Variants in BMP7 observed in about 807,000 individuals in gnomAD.
The protein encoded by BMP7 is osteogenic protein 1.
A neutral mutation model predicts 41.2 loss-of-function variants in BMP7; 12 were observed. The observed-to-expected ratio is 0.29, with a 90% CI of 0.19 to 0.47. The LOEUF is 0.47. BMP7 is among the 20% of genes least tolerant of loss of function. BMP7 has a pLI of 0.99. For synonymous variants in BMP7, 248 were observed against 250.0 expected, an observed-to-expected ratio of 0.99 and a Z score of 0.07; for missense variants, 467 against 606.0, an observed-to-expected ratio of 0.77 and a Z score of 2.41.
chr20:57,248,955 C>G (rs202200282), intron 1 of BMP7, among the ~76,000 whole-genome samples: 8 of 152,056 alleles, frequency 5.3e-5, no homozygotes, highest in African/African-American at 1.9e-4. Context: ...CCCACCACCA[C>G]GCCCAGCTAA....
rs1023580077 is a variant in BMP7 at position 57,170,146 on chromosome 20, C to G, written c.*813G>C. 3 of 152,886 alleles carry G rather than the reference C, an allele frequency of 2.0e-5. No individual in the cohort carries two copies. Among genetic ancestry groups the G allele is most frequent in the Non-Finnish European group, 4.4e-5 (3 of 68,600 alleles). 9.5% of individuals were successfully genotyped at this position (152,886 alleles called of 1,614,324 possible). A position where few individuals can be genotyped will look rare whatever the true frequency, so the allele number is the denominator to read the frequency against. ...TCTGCAATTTCACATGGATTTACTA[C>G]CACTGGGGCGAGGTGAAAAGCCAAT... On this transcript the variant is annotated 3_prime_UTR_variant, in exon 7 of 7. Coordinates refer to ENST00000395863, the MANE Select transcript of BMP7 (RefSeq NM_001719.3).
At chr20:57,209,239 TTATATATTTTTATATATATA>T (rs1407051256) in intron 2 of BMP7, among the ~76,000 whole-genome samples, 10 of 63,502 alleles carry the variant, frequency 1.6e-4, no homozygotes, top group South Asian at 7.3e-4. Flanking sequence ...ATACCTAGAT[TTATATATTTTTATATATATA>T]TATATATATA....
chr20:57,241,666 G>T (rs761324458), intron 1 of BMP7, among the ~76,000 whole-genome samples: 1 of 152,208 alleles, frequency 6.6e-6, no homozygotes, highest in Non-Finnish European at 1.5e-5. Flanking sequence ...CCAGAGACAT[G>T]AGACCTGGAG....
intron 2 of BMP7, among the ~76,000 whole-genome samples, chr20:57,222,665 G>A (rs1459683879): frequency 1.3e-5 from 2 of 152,186 alleles, no homozygotes; most frequent in East Asian, 3.9e-4. Context: ...CAGCCAAAAG[G>A]AATCCTCCTT....
chr20:57,188,817 T>C (rs1984282084), intron 3 of BMP7, among the ~76,000 whole-genome samples: 1 of 152,194 alleles, frequency 6.6e-6, no homozygotes, highest in Non-Finnish European at 1.5e-5. Flanking sequence ...CCAGGGCAGA[T>C]GCTGCAACCT....
chr20:57,171,556 C>T lies in BMP7; in HGVS notation c.1147-448G>A, dbSNP rs1983817419. The stretch of plus-strand genomic sequence containing the variant: ...GTGCCACGTGAGTGCCACTGATAAG[C>T]AAAATAGACCGAGGTAAGACAATAG... On this transcript the variant is annotated intron_variant, in intron 6 of 6. Transcript: ENST00000395863. The surrounding 1 kb of genome is among the most constrained non-coding windows in gnomAD (Gnocchi z 4.5). Among the ~76,000 whole-genome samples, 1 of 152,100 alleles carries T rather than the reference C, an allele frequency of 6.6e-6. No homozygotes were observed. The highest frequency in any genetic ancestry group is 1.5e-5 in the Non-Finnish European group (1 of 68,018).
At chr20:57,230,538 C>G (rs1033384345) in intron 1 of BMP7, among the ~76,000 whole-genome samples, 4 of 151,598 alleles carry the variant, frequency 2.6e-5, no homozygotes, top group African/African-American at 7.3e-5. Flanking sequence ...CAGGAGGTGT[C>G]CAGTGACCTC....
chr20:57,229,709 C>T (rs2066021610), intron 1 of BMP7, among the ~76,000 whole-genome samples: 2 of 152,166 alleles, frequency 1.3e-5, no homozygotes, highest in Admixed American at 6.5e-5. Context: ...AAGAGCAGAA[C>T]CAGTTTGGCC....
intron 3 of BMP7, among the ~76,000 whole-genome samples, chr20:57,192,810 A>G (rs117525999): frequency 6.6e-6 from 1 of 152,030 alleles, no homozygotes; most frequent in Non-Finnish European, 1.5e-5. Flanking sequence ...AGATAAACAT[A>G]TAATGTTTGC....
At chr20:57,234,186 C>G (rs537402368) in intron 1 of BMP7, among the ~76,000 whole-genome samples, 1 of 152,322 alleles carries the variant, frequency 6.6e-6, no homozygotes, top group African/African-American at 2.4e-5. Context: ...GTTCCATGAC[C>G]CTCTTCTCCC....
At chr20:57,197,004 T>G (rs1019426273) in intron 3 of BMP7, among the ~76,000 whole-genome samples, 1 of 151,790 alleles carries the variant, frequency 6.6e-6, no homozygotes, top group African/African-American at 2.4e-5. Flanking sequence ...CGGGTTCAAG[T>G]GATTCTCCTG....
chr20:57,186,651 C>A (rs565958462), intron 3 of BMP7, among the ~76,000 whole-genome samples: 1 of 152,186 alleles, frequency 6.6e-6, no homozygotes, highest in Admixed American at 6.5e-5. Context: ...TACGGTGCCC[C>A]CAAGTTAGAT....
rs531805102 is a variant in BMP7 at position 57,218,139 on chromosome 20, C to A, written c.611+10090G>T. On this transcript the variant is annotated intron_variant, in intron 2 of 6. Transcript: ENST00000395863. ...AGTACGCCGAGCTTGGTTTCATGCT[C>A]TGCTGTTGCTGTCTTGAAATCCTTT... is the stretch of plus-strand genomic sequence containing the variant. 2.0e-5 allele frequency among the ~76,000 whole-genome samples: 3 copies of A among 152,388 alleles called. No individual in the cohort carries two copies. In the South Asian group the frequency reaches 6.2e-4, roughly 32 times the overall value.
At chr20:57,239,866 C>A (rs973193157) in intron 1 of BMP7, among the ~76,000 whole-genome samples, 20 of 152,206 alleles carry the variant, frequency 1.3e-4, no homozygotes, top group Non-Finnish European at 2.4e-4. Context: ...GGGACACAGG[C>A]CACCAAGTCC....
intron 3 of BMP7, among the ~76,000 whole-genome samples, chr20:57,193,753 T>G (rs1041594460): frequency 6.6e-6 from 1 of 152,228 alleles, no homozygotes; most frequent in Admixed American, 6.5e-5. Context: ...GAACTTACCT[T>G]GGCATTTTCT....
intron 1 of BMP7, among the ~76,000 whole-genome samples, chr20:57,249,052 C>G (rs976276622): frequency 3.3e-5 from 5 of 152,026 alleles, no homozygotes; most frequent in African/African-American, 9.7e-5. Context: ...CTGCCCGCCT[C>G]GGCCTCCCAA....
chr20:57,186,636 G>A (rs1175014408), intron 3 of BMP7, among the ~76,000 whole-genome samples: 1 of 152,154 alleles, frequency 6.6e-6, no homozygotes, highest in Non-Finnish European at 1.5e-5. Context: ...CTGAGCCTCT[G>A]CAGATACGGT....
At chr20:57,203,477 GTGGATGGA>G (rs533405529) in intron 2 of BMP7, among the ~76,000 whole-genome samples, 5 of 151,606 alleles carry the variant, frequency 3.3e-5, no homozygotes, top group African/African-American at 1.2e-4. Context: ...GAGTGGGTGG[GTGGATGGA>G]TGGATGGATG....
At chr20:57,199,319 G>A (rs776128074) in intron 3 of BMP7, among the ~76,000 whole-genome samples, 2 of 152,202 alleles carry the variant, frequency 1.3e-5, no homozygotes, top group Non-Finnish European at 2.9e-5. Context: ...CACCGTGCAC[G>A]ACTTTGCCAG....
Sources: allele counts gnomAD v4.1 joint callset (sites outside exome capture counted in the v4.1 genomes callset), GRCh38; gene constraint gnomAD v4.1.1; non-coding constraint Gnocchi (gnomAD v3.1); transcripts MANE v1.5; gene names NCBI Gene and HGNC (gene_info 2026-07-23, HGNC 2026-07-21).